Variants in PCK1 observed in about 807,000 individuals in gnomAD.
PCK1 encodes the protein phosphoenolpyruvate carboxykinase, cytosolic [GTP].
In PCK1, 44 loss-of-function variants were observed where a neutral mutation model predicts 50.3. That is an observed-to-expected ratio of 0.87 (90% CI 0.69 to 1.12). The LOEUF (loss-of-function observed/expected upper bound fraction) is 1.12. Ranked by LOEUF, PCK1 falls within the 50% of genes most tolerant of loss-of-function variation. The pLI is 0.00. For synonymous variants in PCK1, 332 were observed against 314.3 expected (o/e 1.06, Z -0.59); for missense variants, 790 against 815.0 (o/e 0.97, Z 0.37).
rs2146531061 is a variant in PCK1 at position 57,565,513 on chromosome 20, C to T, written c.1578C>T (p.Leu526=). 6.2e-7 allele frequency: 1 copy of T among 1,614,198 alleles called. No homozygotes were observed. The highest frequency in any genetic ancestry group is 1.7e-5 in the Admixed American group (1 of 60,034). Residue 526 remains leucine, a synonymous_variant, in exon 10 of 10, where the codon CTC becomes CTT. Transcript: ENST00000319441. ...GGAAGGACAAGGAAGGCAAATTCCT[C>T]TGGCCAGGCTTTGGAGAGAACTCCA... ...WFRKDKEGKF[L]WPGFGENSRV... is the part of the protein sequence containing the mutation.
At position 57,565,811 on chromosome 20, in the gene PCK1, C is replaced by T; in HGVS notation, c.*7C>T. On this transcript the variant is annotated 3_prime_UTR_variant, in exon 10 of 10. Transcript: ENST00000319441. Reference sequence around the variant, plus strand: ...AAGAATAAGCCAGATGTAATCAGGGCCTGAGTGCTTTACCTTTAAAATCAT... The same window carrying T: ...AAGAATAAGCCAGATGTAATCAGGGTCTGAGTGCTTTACCTTTAAAATCAT... The T allele has an allele frequency of 1.3e-6, 2 of 1,585,694 alleles. No homozygotes were observed. The highest frequency in any genetic ancestry group is 1.2e-5 in the South Asian group (1 of 86,786).
In PCK1 at chr20:57,564,599, G is replaced by A. The variant is rs141020523; in HGVS notation, c.1304G>A (p.Gly435Asp). ...GVPIEGIIFG[G>D]RRPAGVPLVY... The stretch of plus-strand genomic sequence containing the variant: ...CCCATTGAAGGCATTATCTTTGGAG[G>A]CCGTAGACCTGCTGGTGAGGCTCTC... Residue 435 changes from glycine (G) to aspartate (D), a missense_variant, in exon 8 of 10, where the codon GGC becomes GAC. By Grantham distance (94) the Gly-to-Asp change is moderately conservative (BLOSUM62 -1). Coordinates refer to ENST00000319441, the MANE Select transcript of PCK1 (RefSeq NM_002591.4). 105 of 1,598,820 alleles carry A rather than the reference G, an allele frequency of 6.6e-5. No homozygotes were observed. Among genetic ancestry groups the A allele is most frequent in the Non-Finnish European group, 8.6e-5 (101 of 1,171,354 alleles).
At chr20:57,562,948 A>T (rs769716785) in intron 4 of PCK1, 49 bp downstream of exon 4, 1 of 1,583,970 alleles carries the variant, frequency 6.3e-7, no homozygotes, top group Non-Finnish European at 8.7e-7. Context: ...AAGAAAGCTG[A>T]ACGCAAACCC....
At chr20:57,561,972 C>T (rs1280904296) in intron 2 of PCK1, 99 bp from the exon 3 acceptor site, 54 of 901,952 alleles carry the variant, frequency 6.0e-5, no homozygotes, top group African/African-American at 8.3e-5. Context: ...CTGTTGTTAG[C>T]GTGCTCAGCA....
At position 57,564,394 on chromosome 20, in the gene PCK1, G is replaced by C; in HGVS notation, c.1186+1G>C. The C allele has an allele frequency of 1.2e-6, 2 of 1,613,914 alleles. No individual in the cohort carries two copies. The highest frequency in any genetic ancestry group is 1.7e-6 in the Non-Finnish European group (2 of 1,179,782). ...AATAAGGAGTGGAGCTCAGAGGATG[G>C]TGTGTCCCTGCCAGAGGCCTTGGTG... is the stretch of plus-strand genomic sequence containing the variant. On this transcript the variant is annotated splice_donor_variant, in intron 7 of 9. Transcript: ENST00000319441. LOFTEE classifies it high-confidence loss of function.
chr20:57,565,027 T>G lies in PCK1; in HGVS notation c.1319-13T>G. ...CCTCTGATGAACATTTCTCTTTTTT[T>G]TTCCTGCTAAAGGTGTCCCTCTAGT... is the stretch of plus-strand genomic sequence containing the variant. On this transcript the variant is annotated splice_polypyrimidine_tract_variant and intron_variant, in intron 8 of 9. Coordinates refer to ENST00000319441, the MANE Select transcript of PCK1 (RefSeq NM_002591.4). The G allele has an allele frequency of 1.9e-6, 3 of 1,596,664 alleles. No homozygotes were observed. Among genetic ancestry groups the G allele is most frequent in the Non-Finnish European group, 2.6e-6 (3 of 1,166,116 alleles).
In PCK1 at chr20:57,564,564, G is replaced by A. The variant is rs773063581; in HGVS notation, c.1269G>A (p.Pro423=). 1.9e-5 allele frequency: 30 copies of A among 1,612,912 alleles called. No individual in the cohort carries two copies. In the Middle Eastern group the frequency reaches 6.6e-4, roughly 35 times the overall value. The part of the protein sequence containing the change: ...CPIIDAAWES[P]EGVPIEGIIF... ...TCATTGATGCTGCCTGGGAGTCTCC[G>A]GAAGGTGTTCCCATTGAAGGCATTA... Residue 423 remains proline, a synonymous_variant, in exon 8 of 10, where the codon CCG becomes CCA. Coordinates refer to ENST00000319441, the MANE Select transcript of PCK1 (RefSeq NM_002591.4).
chr20:57,566,830 G>A lies in PCK1; in HGVS notation c.*1026G>A, dbSNP rs536660464. On this transcript the variant is annotated 3_prime_UTR_variant, in exon 10 of 10. Coordinates refer to ENST00000319441, the MANE Select transcript of PCK1 (RefSeq NM_002591.4). ...AAATTACATTGTGGACAGTTTCATA[G>A]GATTTTGCCTTTTAACTCTTCAAAG... 1 of 152,318 alleles carries A rather than the reference G, an allele frequency of 6.6e-6. No individual in the cohort carries two copies. Among genetic ancestry groups the A allele is most frequent in the African/African-American group, 2.4e-5 (1 of 41,554 alleles). 9.4% of individuals were successfully genotyped at this position (152,318 alleles called of 1,614,324 possible). A position where few individuals can be genotyped will look rare whatever the true frequency, so the allele number is the denominator to read the frequency against.
Position 57,566,465 on chromosome 20 carries a change from G to A in PCK1, c.*661G>A, listed in dbSNP as rs529087278. ...GAAGTTTTATAGAAAAGATGGATTT[G>A]CTTTGCTTGGTTTTTCTTATTTGAG... On this transcript the variant is annotated 3_prime_UTR_variant, in exon 10 of 10. Transcript: ENST00000319441. The A allele has an allele frequency of 4.6e-5, 7 of 152,206 alleles. No homozygotes were observed. The East Asian group carries it at 1.2e-3, about 25-fold the overall frequency. The allele number at this position is 152,206 out of a possible 1,614,324, so 9.4% of individuals were successfully genotyped here. A position where few individuals can be genotyped will look rare whatever the true frequency, so the allele number is the denominator to read the frequency against.
Position 57,564,081 on chromosome 20 carries a change from G to A in PCK1, c.962-88G>A, listed in dbSNP as rs965515746. The A allele has an allele frequency of 2.1e-5, 17 of 810,188 alleles. No homozygotes were observed. In the South Asian group the frequency reaches 2.6e-4, roughly 13 times the overall value. 50.2% of individuals were successfully genotyped at this position (810,188 alleles called of 1,614,324 possible). A position where few individuals can be genotyped will look rare whatever the true frequency, so the allele number is the denominator to read the frequency against. On this transcript the variant is annotated intron_variant, in intron 6 of 9. Transcript: ENST00000319441. ...GAGGGAAAAAAGATTTGAGAAGTTG[G>A]CATAGAAATTAGTCCGGCAATATAT...
chr20:57,562,315 C>G, intron 3 of PCK1, 63 bp downstream of exon 3: 1 of 1,370,964 alleles, frequency 7.3e-7, no homozygotes. Context: ...TTACATCTAT[C>G]CTAATGGTAA....
chr20:57,564,504 C>A lies in PCK1; in HGVS notation c.1209C>A (p.Asn403Lys), dbSNP rs142010387. The A allele has an allele frequency of 6.2e-7, 1 of 1,614,082 alleles. No individual in the cohort carries two copies. Among genetic ancestry groups the A allele is most frequent in the African/African-American group, 1.3e-5 (1 of 74,916 alleles). The change falls in exon 8 of 10, where the codon AAC becomes AAA. Residue 403 changes from asparagine (N) to lysine (K), a missense_variant. Asn to Lys is a moderately conservative substitution (Grantham distance 94). Transcript: ENST00000319441. The stretch of plus-strand genomic sequence containing the variant: ...TAGGGGAACCTTGTGCCCACCCCAA[C>A]TCGAGGTTCTGCACCCCTGCCAGCC... ...SEDGEPCAHPNSRFCTPASQC... is the reference protein window; with the variant it reads ...SEDGEPCAHPKSRFCTPASQC...
chr20:57,562,972 G>A (rs1031100314), intron 4 of PCK1, 56 bp from the exon 5 acceptor site: 25 of 1,580,384 alleles, frequency 1.6e-5, no homozygotes, highest in Middle Eastern at 3.4e-4. Context: ...TGAGTGCCTC[G>A]GGGACCCCCA....
rs748977083 is a variant in PCK1 at position 57,562,731 on chromosome 20, C to A, written c.442C>A (p.Pro148Thr). 1 of 1,613,996 alleles carries A rather than the reference C, an allele frequency of 6.2e-7. No homozygotes were observed. Residue 148 changes from proline (P) to threonine (T), a missense_variant, in exon 4 of 10, where the codon CCG becomes ACG. Pro to Thr is a conservative substitution (Grantham distance 38). Coordinates refer to ENST00000319441, the MANE Select transcript of PCK1 (RefSeq NM_002591.4). ...GTACGTCATCCCATTCAGCATGGGG[C>A]CGCTGGGCTCGCCTCTGTCAAAGAT... is the stretch of plus-strand genomic sequence containing the variant. ...TMYVIPFSMG[P>T]LGSPLSKIGI...
rs374694652 is a variant in PCK1 at position 57,562,875 on chromosome 20, G to A, written c.586G>A (p.Val196Met). Residue 196 changes from valine (V) to methionine (M), a missense_variant, in exon 4 of 10, where the codon GTG (valine) becomes ATG (methionine). Transcript: ENST00000319441. ...DGEFVKCLHS[V>M]GCPLPLQKPL... ...GGAGTTTGTCAAATGCCTCCATTCT[G>A]TGGGGTGCCCTCTGCCTTTACAAAG... The A allele has an allele frequency of 6.2e-7, 1 of 1,612,548 alleles. No individual in the cohort carries two copies. Among genetic ancestry groups the A allele is most frequent in the East Asian group, 2.2e-5 (1 of 44,900 alleles).
intron 6 of PCK1, 143 bp downstream of exon 6, chr20:57,563,870 A>T: frequency 1.4e-6 from 1 of 700,006 alleles, no homozygotes. Context: ...AGAAATATGG[A>T]TCCTGTAAGA....
At chr20:57,563,498 T>G in intron 5 of PCK1, 67 bp from the exon 6 acceptor site, 1 of 1,138,278 alleles carries the variant, frequency 8.8e-7, no homozygotes, top group Non-Finnish European at 1.3e-6. Context: ...TTCCAACCTC[T>G]GGGCTGAAGT....
rs2146526929 is a variant in PCK1, at chr20:57,562,233, G to A, written c.387G>A (p.Arg129=). 6 of 1,614,108 alleles carry A rather than the reference G, an allele frequency of 3.7e-6. No individual in the cohort carries two copies. Among genetic ancestry groups the A allele is most frequent in the Non-Finnish European group, 4.2e-6 (5 of 1,179,990 alleles). ...EEDFEKAFNA[R]FPGCMKGRTM... ...ATTTTGAGAAAGCGTTCAATGCCAG[G>A]TTCCCAGGGTGCATGAAAGGTGAGC... Residue 129 remains arginine (R), a synonymous_variant, in exon 3 of 10, where the codon AGG becomes AGA. Transcript: ENST00000319441.
At position 57,563,061 on chromosome 20, in the gene PCK1, AGCTGACGCTCATC is replaced by A. The variant is rs1266058365; in HGVS notation, c.647_659del (p.Leu216ProfsTer47). ...GTCAACAACTGGCCCTGCAACCCGG[AGCTGACGCTCATC>A]GCCCACCTGCCTGACCGCAGAGAGA... On this transcript the variant is annotated frameshift_variant, in exon 5 of 10. Transcript: ENST00000319441. LOFTEE classifies it high-confidence loss of function. 1 of 1,614,028 alleles carries A rather than the reference AGCTGACGCTCATC, an allele frequency of 6.2e-7. No homozygotes were observed. Among genetic ancestry groups the A allele is most frequent in the Non-Finnish European group, 8.5e-7 (1 of 1,180,016 alleles).
Sources: gnomAD v4.1 joint callset for allele counts on GRCh38, gnomAD v4.1.1 for gene constraint, MANE v1.5 for transcripts, NCBI Gene and HGNC (gene_info 2026-07-23, HGNC 2026-07-21) for gene names.